Variants in PRIM2 observed in about 807,000 individuals in gnomAD.
PRIM2 encodes DNA primase large subunit.
In PRIM2, 39 loss-of-function variants were observed where a neutral mutation model predicts 67.3. That is an observed-to-expected ratio of 0.58 (90% CI 0.45 to 0.76). The LOEUF (loss-of-function observed/expected upper bound fraction) is 0.76, where lower values mean the gene tolerates loss of function less well. PRIM2 is among the 30% of genes least tolerant of loss of function. PRIM2 has a pLI of 0.00. For missense variants in PRIM2, 398 were observed against 598.7 expected (o/e 0.66, Z 3.50); for synonymous variants, 143 against 198.7 (o/e 0.72, Z 2.36).
At chr6:57,372,565 G>A (rs1769601469) in intron 5 of PRIM2, among the ~76,000 whole-genome samples, 1 of 152,072 alleles carries the variant, frequency 6.6e-6, no homozygotes, top group South Asian at 2.1e-4. Flanking sequence ...TAAATGGTGA[G>A]TGAGGTATTA....
chr6:57,597,886 T>C (rs1467236713), intron 10 of PRIM2, among the ~76,000 whole-genome samples: 2 of 152,230 alleles, frequency 1.3e-5, no homozygotes, highest in Non-Finnish European at 2.9e-5. Flanking sequence ...GTATAATTAT[T>C]TATAAACTCA....
chr6:57,539,966 C>G (rs1775111708), intron 10 of PRIM2, among the ~76,000 whole-genome samples: 1 of 150,970 alleles, frequency 6.6e-6, no homozygotes, highest in South Asian at 2.1e-4. Context: ...TGCACTCCAG[C>G]CTGAGTGACA....
intron 12 of PRIM2, among the ~76,000 whole-genome samples, chr6:57,611,092 C>A (rs1160256571): frequency 2.0e-5 from 3 of 152,166 alleles, no homozygotes; most frequent in African/African-American, 7.2e-5. Context: ...TCTCAAAGAA[C>A]CTAGCAAGAT....
At chr6:57,248,642 G>C in the PRIM2 span, among the ~76,000 whole-genome samples, 23 of 152,178 alleles carry the variant, frequency 1.5e-4, no homozygotes, top group Non-Finnish European at 2.9e-5. Flanking sequence ...AGTCTGATTG[G>C]TTGTTGGAGG....
chr6:57,516,643 G>A (rs1167601277), intron 8 of PRIM2, among the ~76,000 whole-genome samples: 1 of 152,078 alleles, frequency 6.6e-6, no homozygotes, highest in Non-Finnish European at 1.5e-5. Flanking sequence ...TTTGTAATGA[G>A]GTTACATTAT....
intron 7 of PRIM2, among the ~76,000 whole-genome samples, chr6:57,412,072 CAA>C (rs1196896060): frequency 1.3e-5 from 2 of 150,174 alleles, no homozygotes; most frequent in Admixed American, 6.6e-5. Flanking sequence ...GTGGTTTTAA[CAA>C]ATATATAAGT....
At chr6:57,439,557 A>G (rs1027840867) in intron 7 of PRIM2, among the ~76,000 whole-genome samples, 5 of 151,278 alleles carry the variant, frequency 3.3e-5, no homozygotes, top group African/African-American at 1.2e-4. Flanking sequence ...CTGAGATTAC[A>G]GGCACCCGCC....
chr6:57,479,428 T>C (rs1309973856), intron 7 of PRIM2, among the ~76,000 whole-genome samples: 4 of 152,178 alleles, frequency 2.6e-5, no homozygotes, highest in Non-Finnish European at 4.4e-5. Flanking sequence ...GGTACACTGC[T>C]TTTATTCATA....
chr6:57,565,170 A>T (rs1316269949), intron 10 of PRIM2, among the ~76,000 whole-genome samples: 2 of 152,030 alleles, frequency 1.3e-5, no homozygotes, highest in East Asian at 1.9e-4. Context: ...AAAATACTTT[A>T]AAAAAATTTA....
intron 5 of PRIM2, among the ~76,000 whole-genome samples, chr6:57,333,023 T>G (rs1183948878): frequency 6.6e-6 from 1 of 152,176 alleles, no homozygotes; most frequent in East Asian, 1.9e-4. Flanking sequence ...TTTATTTTAC[T>G]GTATTTTTTG....
At chr6:57,236,107 C>T in the PRIM2 span, among the ~76,000 whole-genome samples, 16 of 152,332 alleles carry the variant, frequency 1.1e-4, no homozygotes, top group Non-Finnish European at 2.2e-4. Context: ...GAGACTATAT[C>T]GTAAGCTGAA....
chr6:57,383,659 TGGA>T lies in PRIM2; in HGVS notation c.693+1492_693+1494del. On this transcript the variant is annotated intron_variant, in intron 7 of 13. Transcript: ENST00000615550. ...TATTGTTGTAACTGAATGTGATGCC[TGGA>T]AGAGCTACAGCCATCTAGAGATGAG... 3 of 151,622 alleles carry T rather than the reference TGGA, an allele frequency of 2.0e-5. No homozygotes were observed. The South Asian group carries it at 6.3e-4, about 32-fold the overall frequency. The allele number at this position is 151,622 out of a possible 1,614,324, so 9.4% of individuals were successfully genotyped here. A position where few individuals can be genotyped will look rare whatever the true frequency, so the allele number is the denominator to read the frequency against.
the PRIM2 span, among the ~76,000 whole-genome samples, chr6:57,278,371 T>C: frequency 6.6e-6 from 1 of 152,170 alleles, no homozygotes; most frequent in African/African-American, 2.4e-5. Context: ...GGTAGCCTTA[T>C]GCTCTAGGGC....
chr6:57,389,540 T>C (rs1770262780), intron 7 of PRIM2, among the ~76,000 whole-genome samples: 1 of 152,156 alleles, frequency 6.6e-6, no homozygotes, highest in Non-Finnish European at 1.5e-5. Flanking sequence ...GACTGAGAAG[T>C]TCCCAGGAAG....
intron 13 of PRIM2, among the ~76,000 whole-genome samples, chr6:57,645,224 C>A (rs1367791166): frequency 4.6e-5 from 7 of 151,798 alleles, no homozygotes; most frequent in Non-Finnish European, 1.0e-4. Flanking sequence ...CAAATATTTA[C>A]TGGCCTACAA....
At chr6:57,328,210 A>G (rs1350062584) in intron 5 of PRIM2, among the ~76,000 whole-genome samples, 3 of 152,246 alleles carry the variant, frequency 2.0e-5, no homozygotes, top group Admixed American at 6.5e-5. Flanking sequence ...GCTAGAATTC[A>G]CAAATCTTGA....
intron 7 of PRIM2, among the ~76,000 whole-genome samples, chr6:57,386,421 A>AG (rs1443363103): frequency 2.7e-5 from 4 of 148,974 alleles, no homozygotes; most frequent in Non-Finnish European, 5.9e-5. Flanking sequence ...CTGTCTCAAA[A>AG]AAAAAAAAAA....
the PRIM2 span, among the ~76,000 whole-genome samples, chr6:57,274,471 T>C: frequency 2.6e-5 from 4 of 152,336 alleles, no homozygotes; most frequent in East Asian, 7.7e-4. Flanking sequence ...TTTAAACCCA[T>C]TGGGAAAGCA....
At chr6:57,530,776 C>T (rs1486403531) in intron 8 of PRIM2, among the ~76,000 whole-genome samples, 5 of 151,798 alleles carry the variant, frequency 3.3e-5, no homozygotes, top group African/African-American at 1.2e-4. Context: ...GATCTCAGCT[C>T]ACTGCATCCT....
Sources: gnomAD v4.1 joint callset for allele counts (sites outside exome capture counted in the v4.1 genomes callset) on GRCh38, gnomAD v4.1.1 for gene constraint, MANE v1.5 for transcripts, NCBI Gene and HGNC (gene_info 2026-07-23, HGNC 2026-07-21) for gene names.